The following NME8 variants were observed in gnomAD, a reference collection of about 807,000 sequenced individuals.
The protein encoded by NME8 is NME/NM23 family member 8.
A neutral mutation model predicts 82.3 loss-of-function variants in NME8; 72 were observed. The observed-to-expected ratio is 0.87, with a 90% CI of 0.72 to 1.06. NME8 has a LOEUF of 1.06. NME8 is among the 50% of genes least tolerant of loss of function. NME8 has a pLI of 0.00. For missense variants in NME8, 712 were observed against 685.4 expected (o/e 1.04, Z -0.43); for synonymous variants, 267 against 228.5 (o/e 1.17, Z -1.52).
At chr7:37,866,872 A>T (rs1413927476) in intron 10 of NME8, among the ~76,000 whole-genome samples, 1 of 152,150 alleles carries the variant, frequency 6.6e-6, no homozygotes, top group Non-Finnish European at 1.5e-5. Flanking sequence ...AATATGTGTA[A>T]TACGTACATT....
intron 15 of NME8, among the ~76,000 whole-genome samples, chr7:37,894,236 A>C (rs1028330192): frequency 1.3e-5 from 2 of 152,140 alleles, no homozygotes; most frequent in African/African-American, 4.8e-5. Context: ...TAGGTGTTTC[A>C]GGTGGTTTCT....
chr7:37,878,194 AT>A (rs976494663), intron 12 of NME8, among the ~76,000 whole-genome samples: 1 of 152,022 alleles, frequency 6.6e-6, no homozygotes, highest in South Asian at 2.1e-4. Context: ...GTTTTTCTCA[AT>A]TTTTTTGTAT....
At chr7:37,894,381 C>A (rs10260487) in intron 15 of NME8, 85 bp from the exon 16 acceptor site, 1 of 1,386,306 alleles carries the variant, frequency 7.2e-7, no homozygotes, top group African/African-American at 1.4e-5. Context: ...ATTAAACTAT[C>A]ATTTTCCTTA....
intron 16 of NME8, among the ~76,000 whole-genome samples, chr7:37,896,571 A>C (rs948389473): frequency 3.9e-5 from 6 of 152,248 alleles, no homozygotes; most frequent in Admixed American, 2.6e-4. Context: ...GCTGCTGGAC[A>C]ACCATAAAGC....
chr7:37,896,460 T>C (rs549784819), intron 16 of NME8, among the ~76,000 whole-genome samples: 2 of 152,282 alleles, frequency 1.3e-5, no homozygotes, highest in South Asian at 4.1e-4. Context: ...CAGGCTGTTG[T>C]ATGCTCACAT....
At position 37,877,018 on chromosome 7, in the gene NME8, A is replaced by C; in HGVS notation, c.994+11A>C. ...TTCATGAAAGGAAAGGTAGGGAATCAAGCATAAATTGTTTAAGTATTTTAT... is the reference window on the plus strand; with the variant it reads ...TTCATGAAAGGAAAGGTAGGGAATCCAGCATAAATTGTTTAAGTATTTTAT... On this transcript the variant is annotated intron_variant, in intron 12 of 17. Coordinates refer to ENST00000199447, the MANE Select transcript of NME8 (RefSeq NM_016616.5). The C allele has an allele frequency of 1.2e-6, 2 of 1,605,208 alleles. No individual in the cohort carries two copies. Among genetic ancestry groups the C allele is most frequent in the Non-Finnish European group, 1.7e-6 (2 of 1,172,432 alleles).
chr7:37,877,069 G>GTAT, intron 12 of NME8, 62 bp downstream of exon 12: 1 of 1,332,492 alleles, frequency 7.5e-7, no homozygotes, highest in South Asian at 1.2e-5. Context: ...ATAAACCCTA[G>GTAT]TATAATTGCA....
At chr7:37,850,900 A>G (rs1784430359) in intron 5 of NME8, among the ~76,000 whole-genome samples, 165 bp downstream of exon 5, 2 of 152,174 alleles carry the variant, frequency 1.3e-5, no homozygotes, top group Non-Finnish European at 2.9e-5. Context: ...ACTAGATCTG[A>G]GAATGAATAT....
At chr7:37,886,386 G>T (rs1785040706) in intron 14 of NME8, among the ~76,000 whole-genome samples, 1 of 152,066 alleles carries the variant, frequency 6.6e-6, no homozygotes, top group African/African-American at 2.4e-5. Flanking sequence ...ACTGAAAATT[G>T]CCCCATGTTC....
rs376045586 is a variant in NME8 at position 37,861,977 on chromosome 7, T to G, written c.271-51T>G. The G allele has an allele frequency of 5.3e-6, 6 of 1,136,974 alleles. No individual in the cohort carries two copies. The East Asian group carries it at 1.4e-4, about 27-fold the overall frequency. The allele number at this position is 1,136,974 out of a possible 1,614,324, so 70.4% of individuals were successfully genotyped here. On this transcript the variant is annotated intron_variant, in intron 6 of 17. Transcript: ENST00000199447. The stretch of plus-strand genomic sequence containing the variant: ...TTAGTCCAGTTTAAGTGTTAGTTCT[T>G]GGTGTGTTCTCCAAATGAAAGTTCC...
Position 37,852,262 on chromosome 7 carries a change from C to T in NME8, c.198+1527C>T, listed in dbSNP as rs1423446289. The stretch of plus-strand genomic sequence containing the variant: ...TAAAGAGTTCTCATATATCCCCTAT[C>T]CCCACACTCTCATAGCCTTTTCCAC... On this transcript the variant is annotated intron_variant, in intron 5 of 17. Coordinates refer to ENST00000199447, the MANE Select transcript of NME8 (RefSeq NM_016616.5). Among the ~76,000 whole-genome samples the T allele has an allele frequency of 3.3e-5, 5 of 152,126 alleles. No individual in the cohort carries two copies. In the South Asian group the frequency reaches 6.2e-4, roughly 19 times the overall value.
At chr7:37,881,155 T>C (rs987110036) in intron 12 of NME8, among the ~76,000 whole-genome samples, 2 of 152,150 alleles carry the variant, frequency 1.3e-5, no homozygotes, top group African/African-American at 2.4e-5. Context: ...TATTTCCTTT[T>C]CTTGTGTTAT....
chr7:37,878,849 A>C (rs1402347862), intron 12 of NME8, among the ~76,000 whole-genome samples: 2 of 152,132 alleles, frequency 1.3e-5, no homozygotes, highest in African/African-American at 2.4e-5. Context: ...TTTACAGTTA[A>C]TTAACCAATA....
intron 16 of NME8, 35 bp downstream of exon 16, chr7:37,894,645 A>T: frequency 6.5e-7 from 1 of 1,526,874 alleles, no homozygotes; most frequent in African/African-American, 1.4e-5. Flanking sequence ...TGCATTATAA[A>T]AGTGGTAAAT....
intron 12 of NME8, among the ~76,000 whole-genome samples, chr7:37,882,641 AAGAGAAAGAAAG>A (rs1784980325): frequency 8.0e-6 from 1 of 125,054 alleles, no homozygotes; most frequent in African/African-American, 3.1e-5. Context: ...GAAAGAAAGA[AAGAGAAAGAAAG>A]AAAGAGAAAG....
chr7:37,884,878 A>G (rs970080591), intron 13 of NME8, among the ~76,000 whole-genome samples: 1 of 152,266 alleles, frequency 6.6e-6, no homozygotes, highest in Admixed American at 6.5e-5. Context: ...GCAAGGGCAT[A>G]TAAACCAGCA....
At position 37,848,886 on chromosome 7, in the gene NME8, G is replaced by T. The variant is rs2598047; in HGVS notation, c.-178G>T. ...AGCTGGAGAAGAAAGCCCAGCAGGA[G>T]GCCTGCTAGCCTCAGCCTCGGGCCC... On this transcript the variant is annotated 5_prime_UTR_variant, in exon 2 of 18. In the 5' UTR this introduces an upstream ATG that the reference lacks. Coordinates refer to ENST00000199447, the MANE Select transcript of NME8 (RefSeq NM_016616.5). 0.27 allele frequency: 40,421 copies of T among 152,140 alleles called. 5,617 individuals are homozygous for T. Among genetic ancestry groups the T allele is most frequent in the African/African-American group, 0.35 (14,470 of 41,460 alleles). 9.4% of individuals were successfully genotyped at this position (152,140 alleles called of 1,614,324 possible).
chr7:37,859,677 T>G (rs1480921547), intron 6 of NME8, among the ~76,000 whole-genome samples: 1 of 152,210 alleles, frequency 6.6e-6, no homozygotes, highest in Non-Finnish European at 1.5e-5. Flanking sequence ...GGTCTATTGA[T>G]GACTGAAGTC....
intron 15 of NME8, among the ~76,000 whole-genome samples, chr7:37,893,224 C>T (rs958223149): frequency 2.6e-5 from 4 of 152,170 alleles, no homozygotes; most frequent in Non-Finnish European, 5.9e-5. Flanking sequence ...CAAGGTGGCT[C>T]GTTTTACCAG....
Sources: gnomAD v4.1 joint callset for allele counts (sites outside exome capture counted in the v4.1 genomes callset) on GRCh38, gnomAD v4.1.1 for gene constraint, MANE v1.5 for transcripts, NCBI Gene and HGNC (gene_info 2026-07-23, HGNC 2026-07-21) for gene names.